The following TJP1 variants were observed in gnomAD, a reference collection of about 807,000 sequenced individuals.
TJP1 encodes the protein tight junction protein ZO-1.
In TJP1, 43 loss-of-function variants were observed where a neutral mutation model predicts 194.2. The observed-to-expected ratio is 0.22, with a 90% CI of 0.17 to 0.29. The LOEUF (loss-of-function observed/expected upper bound fraction) is 0.29. Ranked by LOEUF, TJP1 falls within the 10% of genes least tolerant of loss-of-function variation. The pLI is 1.00. For missense variants in TJP1, 1,971 were observed against 2,185.7 expected (o/e 0.90, Z 1.96); for synonymous variants, 801 against 779.0 (o/e 1.03, Z -0.47).
At chr15:29,811,564 A>T (rs1009018708) in intron 1 of TJP1, among the ~76,000 whole-genome samples, 1 of 152,196 alleles carries the variant, frequency 6.6e-6, no homozygotes, top group Non-Finnish European at 1.5e-5. Flanking sequence ...CTAGGTAGAC[A>T]TCCAAATTGA....
rs115363381 is a variant in TJP1 at position 29,755,843 on chromosome 15, C to T, written c.1010+5296G>A. The stretch of plus-strand genomic sequence containing the variant: ...TGTAAATCTTGACAATCCAAATTTC[C>T]CACATTTCAATTTCATCCTGTTAGT... On this transcript the variant is annotated intron_variant, in intron 8 of 27. Transcript: ENST00000614355. 6.1e-3 allele frequency among the ~76,000 whole-genome samples: 922 copies of T among 152,114 alleles called. 8 individuals carry two copies. The highest frequency in any genetic ancestry group is 0.021 in the African/African-American group (873 of 41,506).
At chr15:29,816,228 C>A (rs2151974930) in intron 1 of TJP1, among the ~76,000 whole-genome samples, 1 of 152,088 alleles carries the variant, frequency 6.6e-6, no homozygotes, top group East Asian at 1.9e-4. Flanking sequence ...GGGTTTCGGC[C>A]GTGTTGGTTG....
intron 2 of TJP1, among the ~76,000 whole-genome samples, chr15:29,784,798 A>G (rs1354019314): frequency 6.6e-6 from 1 of 152,234 alleles, no homozygotes; most frequent in African/African-American, 2.4e-5. Context: ...ACTTATTTAT[A>G]ACACCAAGAT....
chr15:29,866,447 T>A (rs1338958786), intron 2 of TJP1, among the ~76,000 whole-genome samples: 1 of 152,208 alleles, frequency 6.6e-6, no homozygotes, highest in East Asian at 1.9e-4. Flanking sequence ...ATTTCTGTAT[T>A]TGAACATGGC....
chr15:29,753,529 C>T (rs1291655941), intron 8 of TJP1, among the ~76,000 whole-genome samples: 3 of 148,154 alleles, frequency 2.0e-5, no homozygotes, highest in South Asian at 2.2e-4. Flanking sequence ...GGATATTTAT[C>T]GCCATACACT....
chr15:29,713,028 T>G (rs1352061517), intron 23 of TJP1, among the ~76,000 whole-genome samples: 1 of 152,180 alleles, frequency 6.6e-6, no homozygotes, highest in Non-Finnish European at 1.5e-5. Context: ...TGGTGGAGTC[T>G]TACTGGTGAA....
chr15:29,746,174 C>T (rs975357085), intron 8 of TJP1, among the ~76,000 whole-genome samples: 2 of 152,048 alleles, frequency 1.3e-5, no homozygotes, highest in Non-Finnish European at 2.9e-5. Flanking sequence ...GTCAGAAGAT[C>T]GAGACCATCC....
At chr15:29,919,769 T>C (rs567290558) in intron 2 of TJP1, among the ~76,000 whole-genome samples, 3 of 152,314 alleles carry the variant, frequency 2.0e-5, no homozygotes, top group Non-Finnish European at 4.4e-5. Context: ...GATTTTCTCT[T>C]GCTCCCAGCC....
At chr15:29,770,493 C>A (rs968765909) in intron 4 of TJP1, among the ~76,000 whole-genome samples, 17 of 151,206 alleles carry the variant, frequency 1.1e-4, no homozygotes, top group Non-Finnish European at 1.5e-5. Context: ...GATCACGAGA[C>A]AGCCTCCATC....
intron 18 of TJP1, among the ~76,000 whole-genome samples, chr15:29,723,393 TTC>T (rs1333888075): frequency 6.6e-6 from 1 of 152,172 alleles, no homozygotes; most frequent in African/African-American, 2.4e-5. Context: ...TACTCCCCCC[TTC>T]TCTCTCTTCC....
In TJP1 at chr15:29,747,241, C is replaced by T. The variant is rs560427665; in HGVS notation, c.1011-4460G>A. Reference sequence around the variant, plus strand: ...CAGAGGTTGCAGTGAGCCGATATTGCGCCACTGCACTCCAGCCTGGGCAAG... The same window carrying T: ...CAGAGGTTGCAGTGAGCCGATATTGTGCCACTGCACTCCAGCCTGGGCAAG... On this transcript the variant is annotated intron_variant, in intron 8 of 27. Transcript: ENST00000614355. 1.0e-3 allele frequency among the ~76,000 whole-genome samples: 158 copies of T among 152,168 alleles called. 1 individual carries two copies. The highest frequency in any genetic ancestry group is 3.1e-3 in the South Asian group (15 of 4,820).
intron 5 of TJP1, among the ~76,000 whole-genome samples, chr15:29,764,919 T>A (rs2046237541): frequency 6.6e-6 from 1 of 151,952 alleles, no homozygotes; most frequent in Non-Finnish European, 1.5e-5. Flanking sequence ...TGAGATTGCC[T>A]AAATTAATTG....
chr15:29,741,324 G>C lies in TJP1; in HGVS notation c.1256+7C>G. On this transcript the variant is annotated splice_region_variant and intron_variant, in intron 10 of 27. Coordinates refer to ENST00000614355, the MANE Select transcript of TJP1 (RefSeq NM_001330239.4). ...AAGAAAACAATACAACTTTAAAATT[G>C]TATTACCGAAGAATCCCATCTTCAT... 2 of 1,574,290 alleles carry C rather than the reference G, an allele frequency of 1.3e-6. No homozygotes were observed. Among genetic ancestry groups the C allele is most frequent in the Non-Finnish European group, 1.7e-6 (2 of 1,158,890 alleles).
At chr15:29,917,858 C>T (rs1015079333) in intron 2 of TJP1, among the ~76,000 whole-genome samples, 1 of 152,156 alleles carries the variant, frequency 6.6e-6, no homozygotes, top group African/African-American at 2.4e-5. Context: ...ACCATGTTAG[C>T]CATTTTAAAA....
rs769972032 is a variant in TJP1, at chr15:29,732,446, A to C, written c.2004T>G (p.Ile668Met). ...GAGGCTACTTACTTGCAATTTGATA[A>C]ATATCTGGTTCTTCTCTTGCCAGCT... ...REKLAREEPD[I>M]YQIAKSEPRD... The change falls in exon 15 of 28, where the codon ATT becomes ATG. Residue 668 changes from isoleucine to methionine, a missense_variant. Ile to Met is a conservative substitution (Grantham distance 10). This residue lies in a region of TJP1 where 402 missense variants were observed against 484.2 expected (regional missense o/e 0.83). Coordinates refer to ENST00000614355, the MANE Select transcript of TJP1 (RefSeq NM_001330239.4). 6.2e-7 allele frequency: 1 copy of C among 1,613,334 alleles called. No homozygotes were observed. Among genetic ancestry groups the C allele is most frequent in the Admixed American group, 1.7e-5 (1 of 60,008 alleles).
intron 2 of TJP1, among the ~76,000 whole-genome samples, chr15:29,848,826 A>T (rs785449): frequency 0.83 from 125,617 of 151,894 alleles, 52,119 homozygotes; most frequent in East Asian, 0.89. Context: ...ACCACTGAAC[A>T]CCAGCCTGGC....
At chr15:29,952,823 T>A (rs1431443603) in intron 2 of TJP1, among the ~76,000 whole-genome samples, 1 of 152,184 alleles carries the variant, frequency 6.6e-6, no homozygotes, top group South Asian at 2.1e-4. Context: ...TGTAAAATAG[T>A]GTGTAAAGTT....
intron 2 of TJP1, among the ~76,000 whole-genome samples, chr15:29,931,530 T>C (rs1420822733): frequency 6.6e-6 from 1 of 152,238 alleles, no homozygotes; most frequent in Non-Finnish European, 1.5e-5. Flanking sequence ...TAATTCTATA[T>C]GTTCAATGTA....
intron 2 of TJP1, among the ~76,000 whole-genome samples, chr15:29,797,908 A>T (rs2048520929): frequency 6.6e-6 from 1 of 152,244 alleles, no homozygotes. Flanking sequence ...TATATGGACA[A>T]CAAATGAGCA....
Sources: gnomAD v4.1 joint callset for allele counts (sites outside exome capture counted in the v4.1 genomes callset) on GRCh38, gnomAD v4.1.1 for gene constraint, gnomAD v4.1.1 regional missense constraint, MANE v1.5 for transcripts, NCBI Gene and HGNC (gene_info 2026-07-23, HGNC 2026-07-21) for gene names.